PCCA: variants seen among roughly 807,000 people sequenced by gnomAD.
PCCA encodes propionyl-CoA carboxylase subunit alpha, also known as propionyl-CoA carboxylase alpha chain, mitochondrial.
Under a neutral mutation model 101.3 loss-of-function variants are expected in PCCA, and 74 were observed. That is an observed-to-expected ratio of 0.73 (90% CI 0.61 to 0.89). The LOEUF is 0.89. PCCA is among the 40% of genes least tolerant of loss of function. PCCA has a pLI of 0.00. For missense variants in PCCA, 891 were observed against 907.0 expected, an observed-to-expected ratio of 0.98 and a Z score of 0.23; for synonymous variants, 294 against 313.6, an observed-to-expected ratio of 0.94 and a Z score of 0.66.
intron 6 of PCCA, among the ~76,000 whole-genome samples, chr13:100,201,881 A>AC (rs2058529148): frequency 6.6e-6 from 1 of 150,560 alleles, no homozygotes; most frequent in Non-Finnish European, 1.5e-5. Context: ...AAAAAAAAAA[A>AC]AAAAAAACCA....
chr13:100,494,300 G>T (rs1338275264), intron 21 of PCCA, among the ~76,000 whole-genome samples: 3 of 152,248 alleles, frequency 2.0e-5, no homozygotes, highest in African/African-American at 7.2e-5. Flanking sequence ...TATCTAACAA[G>T]AACATTGTCC....
intron 17 of PCCA, among the ~76,000 whole-genome samples, chr13:100,335,206 T>C (rs2070253113): frequency 6.6e-6 from 1 of 152,180 alleles, no homozygotes. Context: ...CCATATATAC[T>C]CCTTTTGAGG....
chr13:100,468,459 A>G (rs2082709065), intron 21 of PCCA, among the ~76,000 whole-genome samples: 1 of 152,244 alleles, frequency 6.6e-6, no homozygotes, highest in African/African-American at 2.4e-5. Flanking sequence ...TCTGTAGTTT[A>G]GTGTGGCCAC....
intron 19 of PCCA, among the ~76,000 whole-genome samples, chr13:100,417,116 T>G (rs1211194016): frequency 6.6e-6 from 1 of 152,224 alleles, no homozygotes; most frequent in African/African-American, 2.4e-5. Context: ...GTGCTGGGAT[T>G]ACAGGCGTGA....
intron 8 of PCCA, among the ~76,000 whole-genome samples, chr13:100,248,535 C>T (rs1380215888): frequency 6.6e-6 from 1 of 152,108 alleles, no homozygotes; most frequent in Admixed American, 6.5e-5. Context: ...GTTTGCAGTT[C>T]CCTCATGACA....
intron 4 of PCCA, chr13:100,150,606 A>G (rs994509863): frequency 8.3e-7 from 1 of 1,198,424 alleles, no homozygotes; most frequent in Admixed American, 1.7e-5. Context: ...TGCAGATGTC[A>G]GCCCACACAT....
At chr13:100,325,933 C>T (rs1034822894) in intron 16 of PCCA, among the ~76,000 whole-genome samples, 5 of 152,128 alleles carry the variant, frequency 3.3e-5, no homozygotes, top group Non-Finnish European at 7.4e-5. Flanking sequence ...TCTCCCCAAA[C>T]CCAACAAGTC....
intron 2 of PCCA, among the ~76,000 whole-genome samples, chr13:100,104,022 G>A (rs1244849063): frequency 6.6e-6 from 1 of 152,184 alleles, no homozygotes; most frequent in African/African-American, 2.4e-5. Flanking sequence ...TTACAATAAT[G>A]TTTGAGCCTT....
At chr13:100,222,369 G>A (rs902920701) in intron 7 of PCCA, among the ~76,000 whole-genome samples, 1 of 152,094 alleles carries the variant, frequency 6.6e-6, no homozygotes, top group African/African-American at 2.4e-5. Flanking sequence ...GAGCCACCGT[G>A]CCTGACTGGA....
intron 12 of PCCA, among the ~76,000 whole-genome samples, chr13:100,285,482 T>C (rs368188581): frequency 1.4e-4 from 21 of 152,294 alleles, no homozygotes; most frequent in East Asian, 1.2e-3. Context: ...CTGGCCTCAC[T>C]GTTTAAGTGT....
intron 19 of PCCA, among the ~76,000 whole-genome samples, chr13:100,371,093 A>G (rs1174910305): frequency 1.3e-5 from 2 of 152,214 alleles, no homozygotes; most frequent in Non-Finnish European, 2.9e-5. Flanking sequence ...AGAAAAATAT[A>G]TAGATTAAAC....
intron 21 of PCCA, among the ~76,000 whole-genome samples, chr13:100,509,687 T>C (rs969543276): frequency 1.3e-5 from 2 of 152,232 alleles, no homozygotes; most frequent in Admixed American, 1.3e-4. Flanking sequence ...GGTGATGGTG[T>C]TAAAATCGTT....
At chr13:100,428,599 T>C (rs1395969321) in intron 20 of PCCA, among the ~76,000 whole-genome samples, 1 of 152,098 alleles carries the variant, frequency 6.6e-6, no homozygotes. Flanking sequence ...TACCTGTCAT[T>C]CATGCTTTAA....
At chr13:100,132,621 A>G (rs1442745397) in intron 4 of PCCA, among the ~76,000 whole-genome samples, 2 of 152,192 alleles carry the variant, frequency 1.3e-5, no homozygotes, top group Non-Finnish European at 2.9e-5. Flanking sequence ...TGTTGTAAAC[A>G]TTTGTGTACA....
chr13:100,168,043 CCT>C (rs1376732291), intron 6 of PCCA, among the ~76,000 whole-genome samples: 1 of 152,196 alleles, frequency 6.6e-6, no homozygotes, highest in Non-Finnish European at 1.5e-5. Context: ...CCACTGACCC[CCT>C]CTTTTCTCTC....
chr13:100,376,515 G>C (rs2075911266), intron 19 of PCCA, among the ~76,000 whole-genome samples: 1 of 152,190 alleles, frequency 6.6e-6, no homozygotes, highest in Non-Finnish European at 1.5e-5. Context: ...CCCCTGAGTG[G>C]GGCTGCTGCC....
At chr13:100,347,044 T>A (rs2072358936) in intron 18 of PCCA, among the ~76,000 whole-genome samples, 1 of 152,096 alleles carries the variant, frequency 6.6e-6, no homozygotes, top group African/African-American at 2.4e-5. Flanking sequence ...CCACTAATTT[T>A]TTTGTATTTT....
At chr13:100,099,390 T>C (rs2047068977) in intron 1 of PCCA, among the ~76,000 whole-genome samples, 1 of 149,376 alleles carries the variant, frequency 6.7e-6, no homozygotes, top group Non-Finnish European at 1.5e-5. Context: ...TGATCTCGGC[T>C]CACTACAACC....
Position 100,449,232 on chromosome 13 carries a change from A to G in PCCA, c.1846-20A>G, listed in dbSNP as rs1566334202. 4.0e-6 allele frequency: 6 copies of G among 1,505,798 alleles called. No individual in the cohort carries two copies. The highest frequency in any genetic ancestry group is 1.4e-5 in the African/African-American group (1 of 72,100). The allele number at this position is 1,505,798 out of a possible 1,614,324, so 93.3% of individuals were successfully genotyped here. Reference sequence around the variant, plus strand: ...CTGTGCAGATATGAGTTCATTTTATATCTCTTGTTTGTTTTTTAGTGTCTT... The same window carrying G: ...CTGTGCAGATATGAGTTCATTTTATGTCTCTTGTTTGTTTTTTAGTGTCTT... On this transcript the variant is annotated intron_variant, in intron 20 of 23. Transcript: ENST00000376285.
Sources: allele counts gnomAD v4.1 joint callset (sites outside exome capture counted in the v4.1 genomes callset), GRCh38; gene constraint gnomAD v4.1.1; transcripts MANE v1.5; gene names NCBI Gene and HGNC (gene_info 2026-07-23, HGNC 2026-07-21).